TUSC3: variants seen among roughly 807,000 people sequenced by gnomAD.
TUSC3 encodes tumor suppressor candidate 3.
In TUSC3, 45 loss-of-function variants were observed where a neutral mutation model predicts 44.8. The ratio of observed to expected loss-of-function variants is 1.00; its 90% confidence interval spans 0.79 to 1.29. The LOEUF (loss-of-function observed/expected upper bound fraction) is 1.29, where lower values mean the gene tolerates loss of function less well. TUSC3 is among the 50% of genes most tolerant of loss of function. TUSC3 has a pLI of 0.00. For synonymous variants in TUSC3, 212 were observed against 152.9 expected (o/e 1.39, Z -2.85); for missense variants, 519 against 437.9 (o/e 1.19, Z -1.65).
chr8:15,756,655 A>G (rs1811940657), intron 9 of TUSC3, among the ~76,000 whole-genome samples: 1 of 152,144 alleles, frequency 6.6e-6, no homozygotes, highest in African/African-American at 2.4e-5. Flanking sequence ...TTACTTGAAA[A>G]TTTTATTCCT....
intron 2 of TUSC3, among the ~76,000 whole-genome samples, chr8:15,532,900 C>A (rs1291052492): frequency 2.6e-5 from 4 of 152,340 alleles, no homozygotes; most frequent in East Asian, 1.9e-4. Flanking sequence ...TCTAGAGATT[C>A]TCCTGCCTCC....
In TUSC3 at chr8:15,442,442, C is replaced by G. The variant is rs114555898; in HGVS notation, n.91+25137C>G. ...TTTTAAATCCCCATGAAAGAAAGTGCTCATTTGTTGCTTTCTAACAAAACT... is the reference window on the plus strand; with the variant it reads ...TTTTAAATCCCCATGAAAGAAAGTGGTCATTTGTTGCTTTCTAACAAAACT... On this transcript the variant is annotated intron_variant and non_coding_transcript_variant, in intron 1 of 5. Transcript: ENST00000503191. Among the ~76,000 whole-genome samples, 1,098 of 152,026 alleles carry G rather than the reference C, an allele frequency of 7.2e-3. 13 individuals are homozygous for G. Among genetic ancestry groups the G allele is most frequent in the African/African-American group, 0.025 (1,029 of 41,464 alleles).
chr8:15,432,667 G>T (rs2410249), intron 1 of TUSC3, among the ~76,000 whole-genome samples: 1 of 151,954 alleles, frequency 6.6e-6, no homozygotes, highest in Admixed American at 6.6e-5. Context: ...GCTCTGTAGT[G>T]CTATGGTTAT....
At chr8:15,609,971 T>C (rs1804692227) in intron 1 of TUSC3, among the ~76,000 whole-genome samples, 1 of 152,170 alleles carries the variant, frequency 6.6e-6, no homozygotes, top group Non-Finnish European at 1.5e-5. Context: ...CATTTCATTT[T>C]AGTCTCTGGT....
At chr8:15,444,785 T>G (rs553519661) in intron 1 of TUSC3, among the ~76,000 whole-genome samples, 2 of 152,180 alleles carry the variant, frequency 1.3e-5, no homozygotes, top group Non-Finnish European at 1.5e-5. Context: ...ATAAAATGTC[T>G]TCTTACCCTC....
rs1387279305 is a variant in TUSC3, at chr8:15,754,972, A to C, written c.1029-2819A>C. ...TTCAGTACTTCATAGTACTTTCAAA[A>C]TTGTTGTTTTCTTTGCTGACACAGG... On this transcript the variant is annotated intron_variant, in intron 9 of 10. Transcript: ENST00000503731. 5.3e-5 allele frequency among the ~76,000 whole-genome samples: 8 copies of C among 152,176 alleles called. No individual in the cohort carries two copies. The East Asian group carries it at 1.5e-3, about 29-fold the overall frequency.
chr8:15,582,689 C>A (rs750947426), intron 1 of TUSC3, among the ~76,000 whole-genome samples: 6 of 152,140 alleles, frequency 3.9e-5, no homozygotes, highest in Non-Finnish European at 8.8e-5. Context: ...GAATGTAATT[C>A]TCTGCAAGCC....
chr8:15,423,923 G>GA (rs1299117957), intron 1 of TUSC3, among the ~76,000 whole-genome samples: 1 of 146,558 alleles, frequency 6.8e-6, no homozygotes, highest in Non-Finnish European at 1.5e-5. Context: ...ATGTTTCCAG[G>GA]AAAGTCTTCG....
At chr8:15,447,693 C>CTTT (rs533587631) in intron 1 of TUSC3, among the ~76,000 whole-genome samples, 5 of 140,892 alleles carry the variant, frequency 3.5e-5, no homozygotes, top group Admixed American at 1.4e-4. Flanking sequence ...ATAATTATGT[C>CTTT]TTTTTTTTTT....
At chr8:15,715,547 G>A (rs1447757581) in intron 6 of TUSC3, among the ~76,000 whole-genome samples, 2 of 151,964 alleles carry the variant, frequency 1.3e-5, no homozygotes, top group East Asian at 1.9e-4. Context: ...CACACTACTC[G>A]GAACAGCCTG....
At chr8:15,671,841 A>G (rs1807958091) in intron 5 of TUSC3, among the ~76,000 whole-genome samples, 1 of 151,976 alleles carries the variant, frequency 6.6e-6, no homozygotes, top group South Asian at 2.1e-4. Flanking sequence ...AATAAATGAT[A>G]CTTTTTTTTA....
intron 1 of TUSC3, among the ~76,000 whole-genome samples, chr8:15,593,416 A>T (rs1179533844): frequency 2.0e-5 from 3 of 152,220 alleles, no homozygotes; most frequent in African/African-American, 7.2e-5. Flanking sequence ...AACAATGTTT[A>T]TCACTTACTA....
chr8:15,422,994 C>G (rs1799756528), intron 1 of TUSC3, among the ~76,000 whole-genome samples: 1 of 152,078 alleles, frequency 6.6e-6, no homozygotes, highest in Non-Finnish European at 1.5e-5. Context: ...TATTTCAAAA[C>G]TGCATGTTGT....
chr8:15,643,220 T>C (rs191280831), intron 2 of TUSC3, among the ~76,000 whole-genome samples: 1 of 152,348 alleles, frequency 6.6e-6, no homozygotes, highest in East Asian at 1.9e-4. Context: ...TGTGCTGAAC[T>C]GTGAGTCAGT....
At chr8:15,547,698 AG>A (rs11336858) in intron 1 of TUSC3, among the ~76,000 whole-genome samples, 151,100 of 151,100 alleles carry the variant, frequency 1, 75,550 homozygotes, top group Non-Finnish European at 1. Context: ...ATAGGTCCTC[AG>A]GGGTGCCGCC....
chr8:15,498,249 C>T (rs1036777044), intron 2 of TUSC3, among the ~76,000 whole-genome samples: 2 of 152,078 alleles, frequency 1.3e-5, no homozygotes, highest in Non-Finnish European at 2.9e-5. Context: ...GGATAAAGAT[C>T]ATAAGAACAC....
chr8:15,632,884 C>A (rs545369831), intron 2 of TUSC3, among the ~76,000 whole-genome samples: 2 of 152,212 alleles, frequency 1.3e-5, no homozygotes, highest in South Asian at 4.1e-4. Flanking sequence ...CTCCTTTAGT[C>A]TACTTTCTGG....
intron 1 of TUSC3, among the ~76,000 whole-genome samples, chr8:15,458,242 C>CT (rs1438267438): frequency 2.0e-5 from 3 of 151,818 alleles, no homozygotes; most frequent in African/African-American, 7.3e-5. Context: ...ATGCTTCTTT[C>CT]TTTTTTTTCT....
At chr8:15,619,723 G>C (rs536729950) in intron 1 of TUSC3, among the ~76,000 whole-genome samples, 24 of 152,154 alleles carry the variant, frequency 1.6e-4, no homozygotes, top group African/African-American at 5.8e-4. Flanking sequence ...TGTTAGCCAG[G>C]ATGGTCTCCA....
Sources: allele counts gnomAD v4.1 joint callset (sites outside exome capture counted in the v4.1 genomes callset), GRCh38; gene constraint gnomAD v4.1.1; transcripts MANE v1.5; gene names NCBI Gene and HGNC (gene_info 2026-07-23, HGNC 2026-07-21).